The following KCNIP4 variants were observed in gnomAD, a reference collection of about 807,000 sequenced individuals.
KCNIP4 encodes the protein Kv channel-interacting protein 4.
Under a neutral mutation model 34.0 loss-of-function variants are expected in KCNIP4, and 12 were observed. The observed-to-expected ratio is 0.35, with a 90% CI of 0.23 to 0.57. The LOEUF (loss-of-function observed/expected upper bound fraction) is 0.57. KCNIP4 is among the 20% of genes least tolerant of loss of function. KCNIP4 has a pLI of 0.83. For synonymous variants in KCNIP4, 124 were observed against 102.2 expected (o/e 1.21, Z -1.29); for missense variants, 238 against 311.7 (o/e 0.76, Z 1.78).
At chr4:20,901,247 G>T (rs145526906) in intron 1 of KCNIP4, among the ~76,000 whole-genome samples, 1 of 152,172 alleles carries the variant, frequency 6.6e-6, no homozygotes, top group African/African-American at 2.4e-5. Context: ...AAGCTCAATC[G>T]CGTTTAGTTG....
At chr4:21,220,131 A>T (rs1238410856) in intron 1 of KCNIP4, among the ~76,000 whole-genome samples, 4 of 152,006 alleles carry the variant, frequency 2.6e-5, no homozygotes, top group Non-Finnish European at 5.9e-5. Flanking sequence ...AGTTTATTCA[A>T]TCTCCTTTTG....
chr4:21,140,809 G>C (rs1174315398), intron 1 of KCNIP4, among the ~76,000 whole-genome samples: 3 of 152,048 alleles, frequency 2.0e-5, no homozygotes, highest in Non-Finnish European at 2.9e-5. Flanking sequence ...GCCAAGGTTG[G>C]AAAGTCCCTG....
At chr4:21,896,266 T>G (rs1472340056) in intron 1 of KCNIP4, among the ~76,000 whole-genome samples, 2 of 152,146 alleles carry the variant, frequency 1.3e-5, no homozygotes, top group African/African-American at 4.8e-5. Flanking sequence ...GAAAAGACAT[T>G]GAACCCTATT....
At chr4:20,832,826 A>AGAAG (rs3077701) in intron 3 of KCNIP4, among the ~76,000 whole-genome samples, 63,703 of 151,644 alleles carry the variant, frequency 0.42, 14,777 homozygotes, top group African/African-American at 0.63. Flanking sequence ...TTTGAATGAC[A>AGAAG]GAAGGGATTT....
chr4:21,832,131 G>T (rs374812337), intron 1 of KCNIP4, among the ~76,000 whole-genome samples: 2 of 152,004 alleles, frequency 1.3e-5, no homozygotes. Context: ...CAACCTGAAA[G>T]ACAAAAATCA....
chr4:21,679,633 C>T (rs1444177585), intron 1 of KCNIP4, among the ~76,000 whole-genome samples: 1 of 152,108 alleles, frequency 6.6e-6, no homozygotes, highest in Non-Finnish European at 1.5e-5. Flanking sequence ...TCTTGTGGTG[C>T]TTAATACATT....
intron 1 of KCNIP4, among the ~76,000 whole-genome samples, chr4:21,046,391 C>T (rs1288799391): frequency 6.6e-6 from 1 of 152,142 alleles, no homozygotes; most frequent in Admixed American, 6.6e-5. Flanking sequence ...ACATCCTTTT[C>T]TCCGCCCAAT....
chr4:21,383,975 A>T lies in KCNIP4; in HGVS notation c.62-501266T>A, dbSNP rs144757333. Among the ~76,000 whole-genome samples the T allele has an allele frequency of 8.7e-3, 1,323 of 152,146 alleles. 20 individuals are homozygous for T. The highest frequency in any genetic ancestry group is 0.031 in the African/African-American group (1,268 of 41,510). On this transcript the variant is annotated intron_variant, in intron 1 of 8. Coordinates refer to ENST00000382152, the MANE Select transcript of KCNIP4 (RefSeq NM_025221.6). ...ATACCTACTTTAATTCTACTCTCTG[A>T]CCCACCCTACCTCACCCCATCCCCA...
intron 1 of KCNIP4, among the ~76,000 whole-genome samples, chr4:20,996,591 T>C (rs1737577511): frequency 6.6e-6 from 1 of 152,190 alleles, no homozygotes; most frequent in Admixed American, 6.5e-5. Flanking sequence ...CTTATTCTTT[T>C]CTCTTTCTTG....
chr4:21,716,229 T>G (rs1400518949), intron 1 of KCNIP4, among the ~76,000 whole-genome samples: 1 of 151,858 alleles, frequency 6.6e-6, no homozygotes, highest in African/African-American at 2.4e-5. Flanking sequence ...CATAATAGTC[T>G]TTTTTTAATT....
In KCNIP4 at chr4:21,582,408, C is replaced by T. The variant is rs532706181; in HGVS notation, c.61+366163G>A. 1.1e-4 allele frequency: 16 copies of T among 151,944 alleles called. No homozygotes were observed. The South Asian group carries it at 3.3e-3, about 32-fold the overall frequency. The allele number at this position is 151,944 out of a possible 1,614,324, so 9.4% of individuals were successfully genotyped here. A position where few individuals can be genotyped will look rare whatever the true frequency, so the allele number is the denominator to read the frequency against. The stretch of plus-strand genomic sequence containing the variant: ...GTTTAGTATGATGGAAAGTGGAGTA[C>T]AATAGGACTTTGATTTTATGAGTTG... On this transcript the variant is annotated intron_variant, in intron 1 of 8. Transcript: ENST00000382152.
chr4:21,295,062 C>T (rs936058559), intron 1 of KCNIP4, among the ~76,000 whole-genome samples: 1 of 152,090 alleles, frequency 6.6e-6, no homozygotes, highest in Non-Finnish European at 1.5e-5. Context: ...AGACAATTAA[C>T]ATTGCTCCTA....
chr4:21,314,370 A>G (rs1184814249), intron 1 of KCNIP4, among the ~76,000 whole-genome samples: 1 of 152,204 alleles, frequency 6.6e-6, no homozygotes, highest in Non-Finnish European at 1.5e-5. Flanking sequence ...TATGGTAGCA[A>G]TATCCTATCA....
Position 21,290,775 on chromosome 4 carries a change from C to G in KCNIP4, c.62-408066G>C, listed in dbSNP as rs534856848. 1.9e-3 allele frequency among the ~76,000 whole-genome samples: 282 copies of G among 152,222 alleles called. 2 individuals are homozygous for G. The highest frequency in any genetic ancestry group is 6.3e-3 in the African/African-American group (263 of 41,544). ...GGACCTAAAAGAGGCAGCCAGGAAACCACATTGGTTATGACAGAGCCTTTT... is the reference window on the plus strand; with the variant it reads ...GGACCTAAAAGAGGCAGCCAGGAAAGCACATTGGTTATGACAGAGCCTTTT... On this transcript the variant is annotated intron_variant, in intron 1 of 8. Transcript: ENST00000382152.
At chr4:21,189,516 T>C (rs1175828595) in intron 1 of KCNIP4, among the ~76,000 whole-genome samples, 1 of 152,202 alleles carries the variant, frequency 6.6e-6, no homozygotes, top group Non-Finnish European at 1.5e-5. Flanking sequence ...TTTCATAAAA[T>C]TGTGTACAAA....
chr4:21,311,603 C>T (rs1370296758), intron 1 of KCNIP4, among the ~76,000 whole-genome samples: 2 of 151,780 alleles, frequency 1.3e-5, no homozygotes, highest in Non-Finnish European at 2.9e-5. Flanking sequence ...GCGGGAGAAT[C>T]GCTTGAACCC....
At chr4:21,298,395 T>C (rs1763966425) in intron 1 of KCNIP4, among the ~76,000 whole-genome samples, 1 of 152,152 alleles carries the variant, frequency 6.6e-6, no homozygotes, top group Non-Finnish European at 1.5e-5. Context: ...TGGATCATCT[T>C]ACTGCCTTCA....
At chr4:21,085,965 C>T (rs897813888) in intron 1 of KCNIP4, among the ~76,000 whole-genome samples, 18 of 152,182 alleles carry the variant, frequency 1.2e-4, no homozygotes, top group Admixed American at 7.9e-4. Flanking sequence ...AACCACATCA[C>T]TCCAGGCCAG....
intron 3 of KCNIP4, among the ~76,000 whole-genome samples, chr4:20,835,226 T>C (rs995623989): frequency 5.3e-5 from 8 of 152,186 alleles, no homozygotes; most frequent in African/African-American, 1.9e-4. Flanking sequence ...TGGTTGCTTC[T>C]TTTCAGTGTC....
Sources: gnomAD v4.1 joint callset for allele counts (sites outside exome capture counted in the v4.1 genomes callset) on GRCh38, gnomAD v4.1.1 for gene constraint, MANE v1.5 for transcripts, NCBI Gene and HGNC (gene_info 2026-07-23, HGNC 2026-07-21) for gene names.